The following FAM83C variants were observed in gnomAD, a reference collection of about 807,000 sequenced individuals.
FAM83C encodes the protein protein FAM83C.
A neutral mutation model predicts 27.1 loss-of-function variants in FAM83C; 23 were observed. That is an observed-to-expected ratio of 0.85 (90% CI 0.61 to 1.20). FAM83C has a LOEUF of 1.20. Ranked by LOEUF, FAM83C falls within the 50% of genes most tolerant of loss-of-function variation. FAM83C has a pLI of 0.00. For missense variants in FAM83C, 984 were observed against 1,001.3 expected (o/e 0.98, Z 0.23); for synonymous variants, 426 against 423.1 (o/e 1.01, Z -0.09).
rs2060825059 is a variant in FAM83C at position 35,286,450 on chromosome 20, G to C, written c.*85C>G. The C allele has an allele frequency of 1.4e-6, 2 of 1,393,370 alleles. No individual in the cohort carries two copies. The highest frequency in any genetic ancestry group is 1.9e-6 in the Non-Finnish European group (2 of 1,040,406). 86.3% of individuals were successfully genotyped at this position (1,393,370 alleles called of 1,614,324 possible). ...GGTTTCTAGACACCTCCCTTCCCCA[G>C]TCTGGGACCTGAGCAAGTCCAGAGT... On this transcript the variant is annotated 3_prime_UTR_variant, in exon 4 of 4. Transcript: ENST00000374408.
rs79889002 is a variant in FAM83C at position 35,287,599 on chromosome 20, G to C, written c.1180C>G (p.Leu394Val). Residue 394 changes from leucine (L) to valine (V), a missense_variant, in exon 4 of 4, where the codon CTA (leucine) becomes GTA (valine). By Grantham distance (32) the Leu-to-Val change is conservative (BLOSUM62 1). Coordinates refer to ENST00000374408, the MANE Select transcript of FAM83C (RefSeq NM_178468.6). ...ARREASGQPS[L>V]HRQLSDPNHG... ...TTAGGGTCTGACAGTTGGCGATGTA[G>C]GGAGGGCTGGCCACTGGCCTCACGG... The C allele has an allele frequency of 7.6e-4, 1,233 of 1,614,094 alleles. 6 individuals carry two copies. The African/African-American group carries it at 0.015, about 19-fold the overall frequency.
In FAM83C at chr20:35,291,167, C is replaced by G. The variant is rs1014282260; in HGVS notation, c.513+625G>C. ...AGCCCTCAAGGCCACGCCAAAGAGG[C>G]CCACACGCTGGCCCCTTCCCCTGCT... On this transcript the variant is annotated intron_variant, in intron 1 of 3. Coordinates refer to ENST00000374408, the MANE Select transcript of FAM83C (RefSeq NM_178468.6). Among the ~76,000 whole-genome samples, 17 of 152,232 alleles carry G rather than the reference C, an allele frequency of 1.1e-4. 1 individual carries two copies. Among genetic ancestry groups the G allele is most frequent in the Admixed American group, 9.8e-4 (15 of 15,284 alleles).
In FAM83C at chr20:35,286,265, C is replaced by T. The variant is rs1180889204; in HGVS notation, c.*270G>A. The T allele has an allele frequency of 4.4e-6, 2 of 452,832 alleles. No homozygotes were observed. Among genetic ancestry groups the T allele is most frequent in the Non-Finnish European group, 4.0e-6 (1 of 252,428 alleles). The allele number at this position is 452,832 out of a possible 1,614,324, so 28.1% of individuals were successfully genotyped here. On this transcript the variant is annotated 3_prime_UTR_variant, in exon 4 of 4. Coordinates refer to ENST00000374408, the MANE Select transcript of FAM83C (RefSeq NM_178468.6). ...AGCAGCTTGTGCATTTCACCTCTGT[C>T]CCCAGGTCTGAGTGTGACCCACCTG...
In FAM83C at chr20:35,292,089, G is replaced by A; in HGVS notation, c.216C>T (p.Phe72=). ...TGTAGTCCACATCCAGGGCGCTCAG[G>A]AAGGGCAGCTCCCGCTCCTCGGAGA... ...RVISEERELP[F]LSALDVDYMT... The change falls in exon 1 of 4, where the codon TTC becomes TTT. Residue 72 remains phenylalanine, a synonymous_variant. Coordinates refer to ENST00000374408, the MANE Select transcript of FAM83C (RefSeq NM_178468.6). 1.2e-6 allele frequency: 2 copies of A among 1,608,628 alleles called. No individual in the cohort carries two copies. Among genetic ancestry groups the A allele is most frequent in the African/African-American group, 1.3e-5 (1 of 75,054 alleles).
At chr20:35,291,660 A>G (rs975021395) in intron 1 of FAM83C, 132 bp downstream of exon 1, 60 of 1,221,374 alleles carry the variant, frequency 4.9e-5, no homozygotes, top group Non-Finnish European at 6.3e-5. Flanking sequence ...GGAGTTTGCA[A>G]TCTAATAGTG....
intron 1 of FAM83C, 115 bp downstream of exon 1, chr20:35,291,677 G>T: frequency 7.3e-7 from 1 of 1,374,614 alleles, no homozygotes; most frequent in South Asian, 1.3e-5. Context: ...AGTGCCAGAG[G>T]TGCTGGTCCT....
rs200072227 is a variant in FAM83C, at chr20:35,291,106, G to A, written c.513+686C>T. 4.6e-5 allele frequency among the ~76,000 whole-genome samples: 7 copies of A among 152,332 alleles called. No homozygotes were observed. The East Asian group carries it at 1.3e-3, about 29-fold the overall frequency. The stretch of plus-strand genomic sequence containing the variant: ...CCGCTCCCCATCACTGAGCCCAGCA[G>A]CCTCCTCTCCTCCTTCCTCCTTGGT... On this transcript the variant is annotated intron_variant, in intron 1 of 3. Transcript: ENST00000374408.
intron 3 of FAM83C, 93 bp downstream of exon 3, chr20:35,288,368 C>G: frequency 6.4e-7 from 1 of 1,566,920 alleles, no homozygotes; most frequent in Non-Finnish European, 8.6e-7. Context: ...GTACTCAGCC[C>G]GTGTCCGAAG....
At position 35,287,277 on chromosome 20, in the gene FAM83C, G is replaced by A. The variant is rs765692863; in HGVS notation, c.1502C>T (p.Pro501Leu). 10 of 1,613,232 alleles carry A rather than the reference G, an allele frequency of 6.2e-6. No homozygotes were observed. The African/African-American group carries it at 9.3e-5, about 15-fold the overall frequency. Residue 501 changes from proline (P) to leucine (L), a missense_variant, in exon 4 of 4, where the codon CCA becomes CTA. Pro to Leu is a moderately conservative substitution (Grantham distance 98). Coordinates refer to ENST00000374408, the MANE Select transcript of FAM83C (RefSeq NM_178468.6). The stretch of plus-strand genomic sequence containing the variant: ...ATCCAGCTGGCCACGGCTCTGACTT[G>A]GAGATGCCTTCTTCTCCTTCTCCTC... ...TVEEKEKKAS[P>L]SQSRGQLDLL... is the part of the protein sequence containing the mutation.
intron 2 of FAM83C, 81 bp downstream of exon 2, chr20:35,288,710 C>G: frequency 6.8e-7 from 1 of 1,477,396 alleles, no homozygotes; most frequent in Non-Finnish European, 9.2e-7. Context: ...CCCCCCAGTG[C>G]TGACTGGCCA....
chr20:35,286,269 A>C lies in FAM83C; in HGVS notation c.*266T>G. On this transcript the variant is annotated 3_prime_UTR_variant, in exon 4 of 4. Coordinates refer to ENST00000374408, the MANE Select transcript of FAM83C (RefSeq NM_178468.6). Reference sequence around the variant, plus strand: ...GCTTGTGCATTTCACCTCTGTCCCCAGGTCTGAGTGTGACCCACCTGTCAG... The same window carrying C: ...GCTTGTGCATTTCACCTCTGTCCCCCGGTCTGAGTGTGACCCACCTGTCAG... The C allele has an allele frequency of 2.2e-6, 1 of 458,228 alleles. No individual in the cohort carries two copies. The highest frequency in any genetic ancestry group is 3.9e-6 in the Non-Finnish European group (1 of 255,920). The allele number at this position is 458,228 out of a possible 1,614,324, so 28.4% of individuals were successfully genotyped here.
Position 35,288,526 on chromosome 20 carries a change from G to C in FAM83C, c.741C>G (p.Phe247Leu), listed in dbSNP as rs765607123. The C allele has an allele frequency of 6.2e-7, 1 of 1,614,240 alleles. No homozygotes were observed. Residue 247 changes from phenylalanine to leucine, a missense_variant, in exon 3 of 4, where the codon TTC becomes TTG. Coordinates refer to ENST00000374408, the MANE Select transcript of FAM83C (RefSeq NM_178468.6). The stretch of plus-strand genomic sequence containing the variant: ...CGAACTTCTCCAGGGCCTGCCCCGT[G>C]AAGCGGCGGCCAGCCTTGCTGCAGT... Reference protein sequence around the residue: ...DTYCSKAGRRFTGQALEKFVL... With the variant: ...DTYCSKAGRRLTGQALEKFVL...
rs749249397 is a variant in FAM83C at position 35,291,994 on chromosome 20, C to A, written c.311G>T (p.Arg104Leu). 6.2e-7 allele frequency: 1 copy of A among 1,613,246 alleles called. No homozygotes were observed. Among genetic ancestry groups the A allele is most frequent in the Non-Finnish European group, 8.5e-7 (1 of 1,179,576 alleles). Residue 104 changes from arginine to leucine, a missense_variant, in exon 1 of 4, where the codon CGC becomes CTC. Coordinates refer to ENST00000374408, the MANE Select transcript of FAM83C (RefSeq NM_178468.6). Reference sequence around the variant, plus strand: ...GGTGACTTCAGAGAGCAGGCTGAGGCGGTCTGGCCCGGAGGCCTCCTGCCC... The same window carrying A: ...GGTGACTTCAGAGAGCAGGCTGAGGAGGTCTGGCCCGGAGGCCTCCTGCCC... The part of the protein sequence containing the change: ...AQGQEASGPD[R>L]LSLLSEVTSG...
rs747968163 is a variant in FAM83C, at chr20:35,286,623, C to T, written c.2156G>A (p.Arg719Gln). ...GNSDLVRDEK[R>Q]LTLGHSKLDL... ...CAGTTTGCTGTGACCCAGGGTCAGC[C>T]GTTTCTCATCCCTGACCAGGTCACT... The change falls in exon 4 of 4, where the codon CGG becomes CAG. Residue 719 changes from arginine to glutamine, a missense_variant. By Grantham distance (43) the Arg-to-Gln change is conservative. Coordinates refer to ENST00000374408, the MANE Select transcript of FAM83C (RefSeq NM_178468.6). The T allele has an allele frequency of 1.9e-5, 31 of 1,613,976 alleles. No individual in the cohort carries two copies. Among genetic ancestry groups the T allele is most frequent in the South Asian group, 6.6e-5 (6 of 91,084 alleles).
At chr20:35,288,655 C>G in intron 2 of FAM83C, 70 bp from the exon 3 acceptor site, 1 of 1,589,470 alleles carries the variant, frequency 6.3e-7, no homozygotes, top group Non-Finnish European at 8.6e-7. Flanking sequence ...CCCATGGGGT[C>G]TCTAACCCCA....
intron 1 of FAM83C, among the ~76,000 whole-genome samples, chr20:35,289,554 G>T (rs970399870): frequency 1.3e-5 from 2 of 151,868 alleles, no homozygotes; most frequent in Non-Finnish European, 2.9e-5. Flanking sequence ...GGCCAGGCTG[G>T]TCTCAAACTC....
In FAM83C at chr20:35,286,748, G is replaced by A. The variant is rs969602309; in HGVS notation, c.2031C>T (p.His677=). ...ACTTGGTGATGAGGTCCAGCTTGCT[G>A]TGGCCCAGGGTTAGCCGTTTCTCAT... is the stretch of plus-strand genomic sequence containing the variant. The part of the protein sequence containing the change: ...SGDEKRLTLG[H]SKLDLITKYH... Residue 677 remains histidine (H), a synonymous_variant, in exon 4 of 4, where the codon CAC becomes CAT. Coordinates refer to ENST00000374408, the MANE Select transcript of FAM83C (RefSeq NM_178468.6). 16 of 1,614,116 alleles carry A rather than the reference G, an allele frequency of 9.9e-6. No individual in the cohort carries two copies. The highest frequency in any genetic ancestry group is 1.4e-5 in the Non-Finnish European group (16 of 1,180,044).
intron 2 of FAM83C, 30 bp from the exon 3 acceptor site, chr20:35,288,615 G>C: frequency 6.2e-7 from 1 of 1,612,348 alleles, no homozygotes; most frequent in Non-Finnish European, 8.5e-7. Context: ...GGGTGACCTT[G>C]AGAGAGTGAG....
intron 2 of FAM83C, 63 bp downstream of exon 2, chr20:35,288,728 G>T: frequency 6.5e-7 from 1 of 1,549,974 alleles, no homozygotes; most frequent in Non-Finnish European, 8.7e-7. Context: ...CCACCCACTG[G>T]CTCCCCTGCC....
Sources: allele counts gnomAD v4.1 joint callset (sites outside exome capture counted in the v4.1 genomes callset), GRCh38; gene constraint gnomAD v4.1.1; transcripts MANE v1.5; gene names NCBI Gene and HGNC (gene_info 2026-07-23, HGNC 2026-07-21).